CDH13: variants seen among roughly 807,000 people sequenced by gnomAD.
The protein encoded by CDH13 is cadherin 13.
CDH13 carries 24 observed loss-of-function variants against 63.8 expected under a neutral mutation model. That is an observed-to-expected ratio of 0.38 (90% CI 0.27 to 0.53). The LOEUF is 0.53. Ranked by LOEUF, CDH13 falls within the 20% of genes least tolerant of loss-of-function variation. CDH13 has a pLI of 0.85. For missense variants in CDH13, 1,049 were observed against 903.1 expected (o/e 1.16, Z -2.07); for synonymous variants, 503 against 355.3 (o/e 1.42, Z -4.67).
chr16:82,835,456 A>C (rs902786900), intron 1 of CDH13, among the ~76,000 whole-genome samples: 1 of 152,292 alleles, frequency 6.6e-6, no homozygotes, highest in Middle Eastern at 3.4e-3. Context: ...CAAATATTGT[A>C]CCCACCCAGC....
chr16:82,831,467 G>A (rs80216201), intron 1 of CDH13, among the ~76,000 whole-genome samples: 1 of 152,228 alleles, frequency 6.6e-6, no homozygotes, highest in African/African-American at 2.4e-5. Flanking sequence ...AATAAATGCA[G>A]TTTGCTTGGA....
chr16:82,644,121 T>A lies in CDH13; in HGVS notation c.45+16984T>A, dbSNP rs943525161. Among the ~76,000 whole-genome samples the A allele has an allele frequency of 5.3e-5, 8 of 152,076 alleles. No homozygotes were observed. Among genetic ancestry groups the A allele is most frequent in the Admixed American group, 2.0e-4 (3 of 15,272 alleles). ...ATCTAATTGATATGCTAATTGTCATTGTACTCAAGTTGATAGCAGATTGCT... is the reference window on the plus strand; with the variant it reads ...ATCTAATTGATATGCTAATTGTCATAGTACTCAAGTTGATAGCAGATTGCT... On this transcript the variant is annotated intron_variant, in intron 1 of 13. Coordinates refer to ENST00000567109, the MANE Select transcript of CDH13 (RefSeq NM_001257.5). This position sits in a 1 kb window ranked among gnomAD's most constrained non-coding sequence, Gnocchi z 5.7.
At chr16:82,969,968 G>T (rs976790849) in intron 2 of CDH13, among the ~76,000 whole-genome samples, 1 of 151,384 alleles carries the variant, frequency 6.6e-6, no homozygotes, top group African/African-American at 2.4e-5. Context: ...TTTAAGTTCT[G>T]GGGTACGTGT....
At chr16:83,505,865 A>G (rs997934846) in intron 7 of CDH13, among the ~76,000 whole-genome samples, 1 of 152,176 alleles carries the variant, frequency 6.6e-6, no homozygotes, top group African/African-American at 2.4e-5. Context: ...ATATGATGTG[A>G]TTATTAAAAG....
chr16:83,053,105 T>G (rs1228287081), intron 3 of CDH13, among the ~76,000 whole-genome samples: 1 of 152,186 alleles, frequency 6.6e-6, no homozygotes, highest in Non-Finnish European at 1.5e-5. Context: ...TTGAATGAGA[T>G]AATTCATGTG....
Position 83,409,637 on chromosome 16 carries a change from C to G in CDH13, c.781+64631C>G, listed in dbSNP as rs762297721. Reference sequence around the variant, plus strand: ...TGCTTTATAGTGACTGAATTACCAACATGCATCTGCCTAGCCTATTTCCCT... The same window carrying G: ...TGCTTTATAGTGACTGAATTACCAAGATGCATCTGCCTAGCCTATTTCCCT... On this transcript the variant is annotated intron_variant, in intron 6 of 13. Coordinates refer to ENST00000567109, the MANE Select transcript of CDH13 (RefSeq NM_001257.5). 2.2e-4 allele frequency among the ~76,000 whole-genome samples: 34 copies of G among 152,338 alleles called. No individual in the cohort carries two copies. The Middle Eastern group carries it at 0.01, about 46-fold the overall frequency.
At chr16:82,699,900 A>C (rs998536142) in intron 1 of CDH13, among the ~76,000 whole-genome samples, 1 of 152,252 alleles carries the variant, frequency 6.6e-6, no homozygotes, top group Non-Finnish European at 1.5e-5. Flanking sequence ...GCAATGTTTC[A>C]ACAGTTTTCC....
At chr16:82,803,370 A>G (rs1316546613) in intron 1 of CDH13, among the ~76,000 whole-genome samples, 2 of 152,204 alleles carry the variant, frequency 1.3e-5, no homozygotes, top group Non-Finnish European at 2.9e-5. Context: ...AGGAAGGGGC[A>G]GAGTGTTTTC....
At chr16:83,782,278 C>T (rs1053224019) in intron 12 of CDH13, among the ~76,000 whole-genome samples, 1 of 152,120 alleles carries the variant, frequency 6.6e-6, no homozygotes, top group Non-Finnish European at 1.5e-5. Context: ...AAGAATAGGC[C>T]AGCTGGTGCA....
At chr16:83,523,192 A>G (rs969286470) in intron 7 of CDH13, among the ~76,000 whole-genome samples, 1 of 152,124 alleles carries the variant, frequency 6.6e-6, no homozygotes, top group African/African-American at 2.4e-5. Flanking sequence ...CCCACAAATA[A>G]TGAGTGCAGG....
intron 11 of CDH13, among the ~76,000 whole-genome samples, chr16:83,748,988 G>A (rs1215757029): frequency 4.6e-5 from 7 of 152,146 alleles, no homozygotes; most frequent in Non-Finnish European, 1.0e-4. Context: ...ACTAGGAGGG[G>A]ATGAGAAAAA....
intron 5 of CDH13, among the ~76,000 whole-genome samples, chr16:83,227,274 C>G (rs963791029): frequency 6.6e-6 from 1 of 152,176 alleles, no homozygotes. Context: ...ATGGGAAGTG[C>G]TGGTCTTCAG....
intron 5 of CDH13, among the ~76,000 whole-genome samples, chr16:83,323,207 TTTC>T (rs1209596857): frequency 5.1e-4 from 75 of 148,244 alleles, no homozygotes; most frequent in Non-Finnish European, 9.8e-4. Context: ...TCTTTCTTTC[TTTC>T]TTTCTTTCTT....
chr16:83,686,758 C>T (rs1367911409), intron 10 of CDH13, among the ~76,000 whole-genome samples: 2 of 151,970 alleles, frequency 1.3e-5, no homozygotes, highest in African/African-American at 2.4e-5. Flanking sequence ...GGTGAGGCCA[C>T]CAAAGACAGA....
At chr16:82,932,803 A>G (rs1216781853) in intron 2 of CDH13, among the ~76,000 whole-genome samples, 1 of 152,220 alleles carries the variant, frequency 6.6e-6, no homozygotes, top group African/African-American at 2.4e-5. Flanking sequence ...ATGGTGGCCT[A>G]AAGTGTGAAC....
rs1375623599 is a variant in CDH13 at position 83,622,445 on chromosome 16, G to C, written c.1101+19851G>C. On this transcript the variant is annotated intron_variant, in intron 8 of 13. Transcript: ENST00000567109. ...CGGACGAGAAAGTCAAAAAACCTAT[G>C]TTGAACACAGCACCATTCTTGCAGC... 2.6e-5 allele frequency among the ~76,000 whole-genome samples: 4 copies of C among 152,212 alleles called. No individual in the cohort carries two copies. The East Asian group carries it at 7.7e-4, about 29-fold the overall frequency.
chr16:83,122,828 G>C (rs2035644783), intron 3 of CDH13, among the ~76,000 whole-genome samples: 1 of 152,056 alleles, frequency 6.6e-6, no homozygotes, highest in African/African-American at 2.4e-5. Context: ...CTTCTTACAT[G>C]CACACACTGT....
At chr16:83,123,272 C>A (rs756854920) in intron 3 of CDH13, among the ~76,000 whole-genome samples, 2 of 150,148 alleles carry the variant, frequency 1.3e-5, no homozygotes, top group Non-Finnish European at 3.0e-5. Flanking sequence ...ATATATATAT[C>A]CCACATTTTC....
intron 1 of CDH13, among the ~76,000 whole-genome samples, chr16:82,838,046 A>C (rs935853773): frequency 5.3e-5 from 8 of 152,052 alleles, no homozygotes; most frequent in African/African-American, 1.2e-4. Flanking sequence ...CTGTTAACCA[A>C]CCTGACATTC....
Sources: allele counts gnomAD v4.1 joint callset (sites outside exome capture counted in the v4.1 genomes callset), GRCh38; gene constraint gnomAD v4.1.1; non-coding constraint Gnocchi (gnomAD v3.1); transcripts MANE v1.5; gene names NCBI Gene and HGNC (gene_info 2026-07-23, HGNC 2026-07-21).